The following EIF2B3 variants were observed in gnomAD, a reference collection of about 807,000 sequenced individuals.
The protein encoded by EIF2B3 is translation initiation factor eIF2B subunit gamma.
Under a neutral mutation model 54.1 loss-of-function variants are expected in EIF2B3, and 20 were observed. The observed-to-expected ratio is 0.37, with a 90% CI of 0.26 to 0.54. The LOEUF is 0.54. Among genes scored for constraint, EIF2B3 ranks in the 20% least tolerant of loss-of-function variants. The pLI, the probability that EIF2B3 is intolerant of heterozygous loss-of-function variation, is 0.86. For synonymous variants in EIF2B3, 153 were observed against 188.1 expected, an observed-to-expected ratio of 0.81 and a Z score of 1.52; for missense variants, 448 against 547.8, an observed-to-expected ratio of 0.82 and a Z score of 1.82.
chr1:44,854,849 A>C (rs913068367), intron 11 of EIF2B3, among the ~76,000 whole-genome samples: 5 of 152,036 alleles, frequency 3.3e-5, no homozygotes, highest in African/African-American at 1.2e-4. Flanking sequence ...CAGCCTCCCA[A>C]AGTGCTGGGA....
chr1:44,964,054 A>G (rs1006296132), intron 3 of EIF2B3, among the ~76,000 whole-genome samples: 2 of 148,118 alleles, frequency 1.4e-5, no homozygotes, highest in East Asian at 2.2e-4. Context: ...AAACATTTCA[A>G]TGTTGTAGAT....
chr1:44,866,168 G>T (rs1030858746), intron 10 of EIF2B3, among the ~76,000 whole-genome samples: 1 of 152,084 alleles, frequency 6.6e-6, no homozygotes, highest in Non-Finnish European at 1.5e-5. Flanking sequence ...GAGGCTGGAG[G>T]TGGGCGGCTA....
intron 1 of EIF2B3, among the ~76,000 whole-genome samples, chr1:44,981,850 T>G (rs975809013): frequency 6.7e-6 from 1 of 148,570 alleles, no homozygotes; most frequent in Non-Finnish European, 1.5e-5. Context: ...AGTGGGAGGA[T>G]CATTTGAGCC....
At chr1:44,906,426 G>A (rs559365699) in intron 5 of EIF2B3, among the ~76,000 whole-genome samples, 1 of 152,334 alleles carries the variant, frequency 6.6e-6, no homozygotes, top group South Asian at 2.1e-4. Context: ...ATTAGACAGA[G>A]TTTCACTCTT....
At chr1:44,974,093 GA>G (rs1644429180) in intron 3 of EIF2B3, among the ~76,000 whole-genome samples, 1 of 151,864 alleles carries the variant, frequency 6.6e-6, no homozygotes, top group Admixed American at 6.6e-5. Flanking sequence ...AGAAAATACA[GA>G]AAAGTAGAAG....
chr1:44,915,712 G>T (rs1465523287), intron 5 of EIF2B3, among the ~76,000 whole-genome samples: 1 of 151,676 alleles, frequency 6.6e-6, no homozygotes, highest in Non-Finnish European at 1.5e-5. Flanking sequence ...ATTTCTTTAT[G>T]TACATATACA....
At chr1:44,952,733 T>C (rs1311273416) in intron 3 of EIF2B3, among the ~76,000 whole-genome samples, 1 of 151,830 alleles carries the variant, frequency 6.6e-6, no homozygotes, top group Non-Finnish European at 1.5e-5. Flanking sequence ...TTTGTATTTT[T>C]AGTAGAGACG....
At chr1:44,928,093 A>C (rs1643869337) in intron 4 of EIF2B3, among the ~76,000 whole-genome samples, 1 of 152,162 alleles carries the variant, frequency 6.6e-6, no homozygotes, top group African/African-American at 2.4e-5. Flanking sequence ...CTAAGGCTGC[A>C]GTGAGCCATG....
Position 44,947,328 on chromosome 1 carries a change from C to T in EIF2B3, c.295-5663G>A, listed in dbSNP as rs186211468. On this transcript the variant is annotated intron_variant, in intron 3 of 11. Transcript: ENST00000360403. ...CAGGAATTCAAAATCCAAACTGCTG[C>T]CAGTTAGTCTTGACTAAAGTAAACA... Among the ~76,000 whole-genome samples the T allele has an allele frequency of 2.4e-3, 363 of 152,290 alleles. 2 individuals carry two copies. The highest frequency in any genetic ancestry group is 8.3e-3 in the African/African-American group (346 of 41,568).
intron 10 of EIF2B3, among the ~76,000 whole-genome samples, chr1:44,860,313 C>T (rs57750387): frequency 0.013 from 1,987 of 152,252 alleles, 42 homozygotes; most frequent in African/African-American, 0.046. Context: ...TCATGCCTGG[C>T]TAACAAATCT....
intron 5 of EIF2B3, among the ~76,000 whole-genome samples, chr1:44,910,615 ACCC>A (rs1256160698): frequency 1.6e-5 from 1 of 62,436 alleles, no homozygotes; most frequent in South Asian, 7.0e-4. Flanking sequence ...ATCCCTCCCC[ACCC>A]CCCCAAGTAA....
At chr1:44,967,433 C>A (rs143903242) in intron 3 of EIF2B3, among the ~76,000 whole-genome samples, 1 of 137,096 alleles carries the variant, frequency 7.3e-6, no homozygotes, top group African/African-American at 2.8e-5. Context: ...GGCAACAGAG[C>A]GAGACTCTGT....
At chr1:44,882,654 G>A (rs866796449) in intron 6 of EIF2B3, among the ~76,000 whole-genome samples, 8 of 149,238 alleles carry the variant, frequency 5.4e-5, no homozygotes, top group Non-Finnish European at 8.9e-5. Context: ...TTGCTCTATC[G>A]CCCAGGCTGG....
At chr1:44,911,583 G>A (rs1441623564) in intron 5 of EIF2B3, among the ~76,000 whole-genome samples, 5 of 152,176 alleles carry the variant, frequency 3.3e-5, no homozygotes, top group South Asian at 2.1e-4. Flanking sequence ...ACACTCCATT[G>A]TATGGAGCCA....
At chr1:44,888,444 T>G (rs1203967146) in intron 6 of EIF2B3, among the ~76,000 whole-genome samples, 1 of 151,420 alleles carries the variant, frequency 6.6e-6, no homozygotes, top group Non-Finnish European at 1.5e-5. Flanking sequence ...GGGTAAAAAT[T>G]TCTTGCCAGT....
intron 6 of EIF2B3, among the ~76,000 whole-genome samples, chr1:44,895,399 C>T (rs887280200): frequency 6.6e-6 from 1 of 152,124 alleles, no homozygotes; most frequent in African/African-American, 2.4e-5. Context: ...TGCTGTAAAA[C>T]TGCCTGCATA....
At position 44,852,061 on chromosome 1, in the gene EIF2B3, G is replaced by A. The variant is rs569894900; in HGVS notation, c.1307-1058C>T. ...CCTCCTGGGTTCAAGTGATTCTCCC[G>A]CCTCAGCCTCCCCAGTAGCTGGGAC... On this transcript the variant is annotated intron_variant, in intron 11 of 11. Transcript: ENST00000360403. Among the ~76,000 whole-genome samples the A allele has an allele frequency of 2.1e-4, 31 of 150,032 alleles. 1 individual carries two copies. The South Asian group carries it at 6.1e-3, about 30-fold the overall frequency.
chr1:44,926,873 G>T, intron 4 of EIF2B3, 134 bp from the exon 5 acceptor site: 1 of 805,296 alleles, frequency 1.2e-6, no homozygotes. Context: ...AGTGGCTCAC[G>T]CCTGTAATCC....
At chr1:44,908,210 A>G (rs1448273605) in intron 5 of EIF2B3, among the ~76,000 whole-genome samples, 1 of 152,186 alleles carries the variant, frequency 6.6e-6, no homozygotes, top group African/African-American at 2.4e-5. Context: ...CTGGGATCCT[A>G]CTATGTCAGG....
Sources: allele counts gnomAD v4.1 joint callset (sites outside exome capture counted in the v4.1 genomes callset), GRCh38; gene constraint gnomAD v4.1.1; transcripts MANE v1.5; gene names NCBI Gene and HGNC (gene_info 2026-07-23, HGNC 2026-07-21).